Variants in DOP1B observed in about 807,000 individuals in gnomAD.
The protein encoded by DOP1B is DOP1 leucine zipper like protein B.
Under a neutral mutation model 233.5 loss-of-function variants are expected in DOP1B, and 174 were observed. That is an observed-to-expected ratio of 0.75 (90% CI 0.66 to 0.85). The LOEUF is 0.85. Ranked by LOEUF, DOP1B falls within the 40% of genes least tolerant of loss-of-function variation. DOP1B has a pLI of 0.00. For synonymous variants in DOP1B, 1,190 were observed against 1,185.6 expected, an observed-to-expected ratio of 1.00 and a Z score of -0.08; for missense variants, 2,652 against 2,846.6, an observed-to-expected ratio of 0.93 and a Z score of 1.56.
chr21:36,261,631 G>A (rs1365417075), intron 24 of DOP1B: 1 of 985,324 alleles, frequency 1.0e-6, no homozygotes, highest in Non-Finnish European at 1.2e-6. Context: ...AGGTGGCTGG[G>A]TGCGGTGGCT....
At chr21:36,254,155 C>T (rs535898062) in intron 23 of DOP1B, among the ~76,000 whole-genome samples, 2 of 152,000 alleles carry the variant, frequency 1.3e-5, no homozygotes, top group Admixed American at 6.6e-5. Flanking sequence ...TACCCTGCTG[C>T]TGAGGACACT....
intron 26 of DOP1B, among the ~76,000 whole-genome samples, chr21:36,269,144 T>A (rs1328974417): frequency 6.6e-6 from 1 of 152,088 alleles, no homozygotes; most frequent in Non-Finnish European, 1.5e-5. Context: ...CAAAATCTGA[T>A]TAATAGGTTG....
chr21:36,215,535 G>A (rs1038458809), intron 9 of DOP1B, among the ~76,000 whole-genome samples: 1 of 151,892 alleles, frequency 6.6e-6, no homozygotes, highest in Non-Finnish European at 1.5e-5. Flanking sequence ...TTCCCCAGTA[G>A]CTGGGATTAC....
intron 27 of DOP1B, among the ~76,000 whole-genome samples, chr21:36,270,958 T>A (rs150527542): frequency 3.3e-5 from 5 of 149,776 alleles, no homozygotes; most frequent in Admixed American, 6.6e-5. Context: ...GTGATGCATG[T>A]CTTAACTTGT....
At chr21:36,163,360 G>GA (rs1016822093) in intron 1 of DOP1B, among the ~76,000 whole-genome samples, 10 of 140,132 alleles carry the variant, frequency 7.1e-5, no homozygotes, top group Admixed American at 1.5e-4. Context: ...AAAAAAAAAA[G>GA]AAAGAAAGAA....
At chr21:36,228,823 T>TAAAAA in intron 13 of DOP1B, among the ~76,000 whole-genome samples, 1 of 137,204 alleles carries the variant, frequency 7.3e-6, no homozygotes, top group African/African-American at 2.8e-5. Context: ...TAAAATAAAA[T>TAAAAA]AAAAAGGCAT....
intron 23 of DOP1B, among the ~76,000 whole-genome samples, chr21:36,257,626 ATAGATAG>A (rs2067116870): frequency 6.6e-6 from 1 of 152,146 alleles, no homozygotes; most frequent in African/African-American, 2.4e-5. Flanking sequence ...AGATAGATAG[ATAGATAG>A]ATAGATAGAA....
chr21:36,232,727 C>A, intron 14 of DOP1B, 77 bp from the exon 15 acceptor site: 1 of 1,581,568 alleles, frequency 6.3e-7, no homozygotes, highest in African/African-American at 1.3e-5. Context: ...ATCTAGGGTG[C>A]TGTAGAATCT....
intron 32 of DOP1B, among the ~76,000 whole-genome samples, chr21:36,284,330 GTGCAATCTCTGCTCAC>G (rs1254668807): frequency 2.8e-5 from 4 of 140,724 alleles, no homozygotes; most frequent in East Asian, 2.0e-4. Flanking sequence ...GAGTGCAGTG[GTGCAATCTCTGCTCAC>G]TGCAATCTCT....
intron 2 of DOP1B, among the ~76,000 whole-genome samples, chr21:36,165,335 C>G (rs1381330757): frequency 6.6e-6 from 1 of 152,108 alleles, no homozygotes; most frequent in Non-Finnish European, 1.5e-5. Flanking sequence ...CCTTTTACTG[C>G]TGTCTGGTAA....
intron 5 of DOP1B, among the ~76,000 whole-genome samples, chr21:36,210,081 G>A (rs1199745907): frequency 2.0e-5 from 3 of 151,854 alleles, no homozygotes; most frequent in East Asian, 1.9e-4. Context: ...TCTCTCCATC[G>A]TCTCAGCCCT....
rs2066710864 is a variant in DOP1B at position 36,227,813 on chromosome 21, A to G, written c.1601A>G (p.Lys534Arg). Residue 534 changes from lysine (K) to arginine (R), a missense_variant, in exon 13 of 37, where the codon AAG becomes AGG. By Grantham distance (26) the Lys-to-Arg change is conservative. This residue lies in a region of DOP1B where 2,617 missense variants were observed against 2,794.3 expected (regional missense o/e 0.94). Coordinates refer to ENST00000691173, the MANE Select transcript of DOP1B (RefSeq NM_001320714.2). ...ELTHALKTCF[K>R]VLSKVQMPPS... ...ACGCATGCCTTGAAGACGTGTTTCAAGGTGCTCAGCAAAGTCCAGATGCCT... is the reference window on the plus strand; with the variant it reads ...ACGCATGCCTTGAAGACGTGTTTCAGGGTGCTCAGCAAAGTCCAGATGCCT... 3.1e-6 allele frequency: 5 copies of G among 1,613,460 alleles called. No homozygotes were observed. The East Asian group carries it at 6.7e-5, about 22-fold the overall frequency.
intron 22 of DOP1B, among the ~76,000 whole-genome samples, chr21:36,253,319 C>T (rs1038886676): frequency 6.6e-6 from 1 of 152,160 alleles, no homozygotes; most frequent in Non-Finnish European, 1.5e-5. Flanking sequence ...CTATTACAGC[C>T]CCATCATGGC....
At chr21:36,193,903 T>G (rs542459332) in intron 2 of DOP1B, among the ~76,000 whole-genome samples, 1 of 152,200 alleles carries the variant, frequency 6.6e-6, no homozygotes, top group Non-Finnish European at 1.5e-5. Flanking sequence ...TACTAAGAGG[T>G]CATGTGTGTG....
At chr21:36,262,481 G>A (rs1003085023) in intron 24 of DOP1B, among the ~76,000 whole-genome samples, 13 of 152,302 alleles carry the variant, frequency 8.5e-5, no homozygotes, top group East Asian at 7.7e-4. Context: ...GCTACAGAGC[G>A]GGGTAGGCCA....
At chr21:36,179,286 G>A (rs1458694834) in intron 2 of DOP1B, among the ~76,000 whole-genome samples, 3 of 152,304 alleles carry the variant, frequency 2.0e-5, no homozygotes, top group Non-Finnish European at 2.9e-5. Flanking sequence ...GTTTGCCAAA[G>A]TGGTTGTATC....
Position 36,278,305 on chromosome 21 carries a change from G to A in DOP1B, c.5919G>A (p.Leu1973=), listed in dbSNP as rs1037725143. ...YTKRAWRKEV[L]ELFLDPAFFQ... ...AGCGAGCCTGGAGGAAGGAGGTCCTGGAGCTGTTTCTCGACCCCGCTTTCT... is the reference window on the plus strand; with the variant it reads ...AGCGAGCCTGGAGGAAGGAGGTCCTAGAGCTGTTTCTCGACCCCGCTTTCT... Residue 1973 remains leucine (L), a synonymous_variant, in exon 30 of 37, where the codon CTG becomes CTA. Coordinates refer to ENST00000691173, the MANE Select transcript of DOP1B (RefSeq NM_001320714.2). 4 of 1,613,910 alleles carry A rather than the reference G, an allele frequency of 2.5e-6. No homozygotes were observed. Among genetic ancestry groups the A allele is most frequent in the Admixed American group, 3.3e-5 (2 of 59,964 alleles).
rs555256118 is a variant in DOP1B, at chr21:36,201,596, C to A, written c.491+1095C>A. On this transcript the variant is annotated intron_variant, in intron 4 of 36. Transcript: ENST00000691173. ...CTCCTGGCCTCAAGTGATCCGCCCACCTCAGCCTCCCAAAGTGCTGGGATT... is the reference window on the plus strand; with the variant it reads ...CTCCTGGCCTCAAGTGATCCGCCCAACTCAGCCTCCCAAAGTGCTGGGATT... 2.0e-5 allele frequency among the ~76,000 whole-genome samples: 3 copies of A among 152,048 alleles called. No individual in the cohort carries two copies. The South Asian group carries it at 6.2e-4, about 32-fold the overall frequency.
chr21:36,286,125 G>C (rs1164816569), intron 32 of DOP1B, among the ~76,000 whole-genome samples: 1 of 152,144 alleles, frequency 6.6e-6, no homozygotes, highest in Non-Finnish European at 1.5e-5. Context: ...GAAGGAGATG[G>C]GGAGCTGAGC....
Sources: allele counts gnomAD v4.1 joint callset (sites outside exome capture counted in the v4.1 genomes callset), GRCh38; gene constraint gnomAD v4.1.1; regional missense constraint gnomAD v4.1.1; transcripts MANE v1.5; gene names NCBI Gene and HGNC (gene_info 2026-07-23, HGNC 2026-07-21).